The following EPHB1 variants were observed in gnomAD, a reference collection of about 807,000 sequenced individuals.
EPHB1 encodes the protein EPH receptor B1, also known as ephrin type-B receptor 1.
A neutral mutation model predicts 94.4 loss-of-function variants in EPHB1; 30 were observed. The observed-to-expected ratio is 0.32, with a 90% CI of 0.24 to 0.43. The LOEUF is 0.43. Among genes scored for constraint, EPHB1 ranks in the 20% least tolerant of loss-of-function variants. The probability of loss-of-function intolerance (pLI) is 1.00; values close to 1 mark genes in which losing one functional copy is unlikely to be tolerated. For synonymous variants in EPHB1, 522 were observed against 489.1 expected (o/e 1.07, Z -0.89); for missense variants, 1,055 against 1,308.3 (o/e 0.81, Z 2.99).
intron 3 of EPHB1, among the ~76,000 whole-genome samples, chr3:135,091,538 G>T (rs1282572080): frequency 6.6e-6 from 1 of 152,108 alleles, no homozygotes; most frequent in Admixed American, 6.5e-5. Context: ...ATCTGTGCTG[G>T]GTATTGGTGG....
chr3:134,861,649 AG>A (rs1257104953), intron 1 of EPHB1, among the ~76,000 whole-genome samples: 15 of 151,222 alleles, frequency 9.9e-5, no homozygotes, highest in Admixed American at 9.9e-4. Context: ...ATAAGGAAAC[AG>A]GGGGAGAAAT....
chr3:134,881,314 T>C (rs1271282569), intron 1 of EPHB1, among the ~76,000 whole-genome samples: 1 of 152,104 alleles, frequency 6.6e-6, no homozygotes, highest in Non-Finnish European at 1.5e-5. Context: ...CAGTATGTTG[T>C]ATGTAGATGT....
intron 2 of EPHB1, among the ~76,000 whole-genome samples, chr3:134,942,613 G>A (rs2039141543): frequency 6.6e-6 from 1 of 152,204 alleles, no homozygotes; most frequent in South Asian, 2.1e-4. Flanking sequence ...CATCCAGCAG[G>A]CAGCAGAATA....
intron 3 of EPHB1, among the ~76,000 whole-genome samples, chr3:135,069,901 G>T (rs536281853): frequency 3.9e-5 from 6 of 152,126 alleles, no homozygotes; most frequent in Non-Finnish European, 7.4e-5. Context: ...TGAAATGAGA[G>T]AAAATGTACT....
chr3:135,088,023 T>C (rs1004000580), intron 3 of EPHB1, among the ~76,000 whole-genome samples: 7 of 152,286 alleles, frequency 4.6e-5, no homozygotes, highest in Middle Eastern at 3.4e-3. Context: ...AGCCAGCATA[T>C]GACATAGACC....
In EPHB1 at chr3:135,259,013, G is replaced by T; in HGVS notation, c.2848G>T (p.Asp950Tyr). The change falls in exon 16 of 16, where the codon GAC (aspartate) becomes TAC (tyrosine). Residue 950 changes from aspartate to tyrosine, a missense_variant and splice_region_variant. Asp to Tyr is a radical substitution (Grantham distance 160, BLOSUM62 -3). Coordinates refer to ENST00000398015, the MANE Select transcript of EPHB1 (RefSeq NM_004441.5). The stretch of plus-strand genomic sequence containing the variant: ...TCTTTTCTGGCTCTTTCCTCCTAGA[G>T]ACCTCCTGAGAATAGGCATCACCTT... Reference protein sequence around the residue: ...LQLVTQMTSEDLLRIGITLAG... With the variant: ...LQLVTQMTSEYLLRIGITLAG... 1 of 1,603,834 alleles carries T rather than the reference G, an allele frequency of 6.2e-7. No homozygotes were observed. Among genetic ancestry groups the T allele is most frequent in the South Asian group, 1.1e-5 (1 of 88,368 alleles).
intron 3 of EPHB1, among the ~76,000 whole-genome samples, chr3:135,080,880 T>G (rs1266194993): frequency 6.6e-6 from 1 of 152,206 alleles, no homozygotes; most frequent in Non-Finnish European, 1.5e-5. Flanking sequence ...CCCATGATGA[T>G]TATTCACTGT....
chr3:135,023,252 TATG>T (rs2107755419), intron 3 of EPHB1, among the ~76,000 whole-genome samples: 1 of 152,364 alleles, frequency 6.6e-6, no homozygotes, highest in South Asian at 2.1e-4. Context: ...ATATGTTCAG[TATG>T]ATGAGAAACA....
chr3:134,863,730 T>C (rs1650288425), intron 1 of EPHB1, among the ~76,000 whole-genome samples: 1 of 152,242 alleles, frequency 6.6e-6, no homozygotes, highest in Non-Finnish European at 1.5e-5. Context: ...CTGCAAAGCA[T>C]GGCTCCTTCT....
chr3:135,216,232 CATCT>C (rs933189115), intron 12 of EPHB1, among the ~76,000 whole-genome samples: 1 of 152,224 alleles, frequency 6.6e-6, no homozygotes, highest in African/African-American at 2.4e-5. Context: ...TCCACACCAG[CATCT>C]ACCTCTAGGT....
chr3:135,178,277 G>A (rs1430154654), intron 9 of EPHB1, among the ~76,000 whole-genome samples: 4 of 151,290 alleles, frequency 2.6e-5, no homozygotes, highest in African/African-American at 9.8e-5. Context: ...CCAAGATGGT[G>A]GAACCCCATT....
At chr3:134,940,795 C>G (rs1338045828) in intron 2 of EPHB1, among the ~76,000 whole-genome samples, 2 of 152,194 alleles carry the variant, frequency 1.3e-5, no homozygotes, top group African/African-American at 4.8e-5. Context: ...TTGGTTAACT[C>G]TAGTGGAATA....
In EPHB1 at chr3:135,252,359, TC is replaced by T. The variant is rs1244992393; in HGVS notation, c.2846+2874del. 4.1e-3 allele frequency among the ~76,000 whole-genome samples: 316 copies of T among 77,014 alleles called. 3 individuals are homozygous for T. The highest frequency in any genetic ancestry group is 0.016 in the African/African-American group (296 of 18,832). The allele number at this position is 77,014 out of a possible 152,430, so 50.5% of individuals were successfully genotyped here. On this transcript the variant is annotated intron_variant, in intron 15 of 15. Coordinates refer to ENST00000398015, the MANE Select transcript of EPHB1 (RefSeq NM_004441.5). ...AAGGTATATCTCCCAATGCTATCCC[TC>T]CCCCCTCCCCCCACCCCACCACAGT... is the stretch of plus-strand genomic sequence containing the variant.
chr3:135,023,649 G>C (rs1049481163), intron 3 of EPHB1, among the ~76,000 whole-genome samples: 3 of 152,098 alleles, frequency 2.0e-5, no homozygotes, highest in Admixed American at 6.5e-5. Context: ...AAATCCATTT[G>C]TGTGCCTCAG....
intron 6 of EPHB1, among the ~76,000 whole-genome samples, chr3:135,155,725 G>A (rs1376140640): frequency 7.0e-6 from 1 of 142,466 alleles, no homozygotes; most frequent in Non-Finnish European, 1.5e-5. Context: ...AGGAGGTGGA[G>A]GTTGCAGTGA....
intron 3 of EPHB1, among the ~76,000 whole-genome samples, chr3:135,054,146 A>G (rs542701049): frequency 6.6e-6 from 1 of 152,124 alleles, no homozygotes; most frequent in Non-Finnish European, 1.5e-5. Context: ...TTTAAAGCAG[A>G]TTATCCCCCA....
rs113081882 is a variant in EPHB1 at position 135,096,017 on chromosome 3, G to T, written c.806-10431G>T. ...CACCAGGATGTCAATTCCACGTGGG[G>T]AACATCTTTGTGTTTTTCCTCCATT... is the stretch of plus-strand genomic sequence containing the variant. On this transcript the variant is annotated intron_variant, in intron 3 of 15. Coordinates refer to ENST00000398015, the MANE Select transcript of EPHB1 (RefSeq NM_004441.5). Among the ~76,000 whole-genome samples, 395 of 152,270 alleles carry T rather than the reference G, an allele frequency of 2.6e-3. 1 individual carries two copies. Among genetic ancestry groups the T allele is most frequent in the African/African-American group, 8.8e-3 (367 of 41,556 alleles).
intron 2 of EPHB1, among the ~76,000 whole-genome samples, chr3:134,950,160 A>T (rs1425757529): frequency 6.6e-6 from 1 of 152,248 alleles, no homozygotes; most frequent in East Asian, 1.9e-4. Context: ...AGTGAAAGAC[A>T]TCACTTAATA....
chr3:135,222,495 A>G (rs1943296897), intron 12 of EPHB1, among the ~76,000 whole-genome samples: 1 of 152,200 alleles, frequency 6.6e-6, no homozygotes, highest in South Asian at 2.1e-4. Flanking sequence ...ATTAAAGAGA[A>G]AGCCTTAGCA....
Sources: gnomAD v4.1 joint callset for allele counts (sites outside exome capture counted in the v4.1 genomes callset) on GRCh38, gnomAD v4.1.1 for gene constraint, MANE v1.5 for transcripts, NCBI Gene and HGNC (gene_info 2026-07-23, HGNC 2026-07-21) for gene names.